The following KLF11 variants were observed in gnomAD, a reference collection of about 807,000 sequenced individuals.
The protein encoded by KLF11 is KLF transcription factor 11.
KLF11 carries 26 observed loss-of-function variants against 29.9 expected under a neutral mutation model. The observed-to-expected ratio is 0.87, with a 90% confidence interval of 0.64 to 1.21. The LOEUF is 1.21. Ranked by LOEUF, KLF11 falls within the 50% of genes most tolerant of loss-of-function variation. The pLI is 0.00. For missense variants in KLF11, 778 were observed against 665.7 expected, an observed-to-expected ratio of 1.17 and a Z score of -1.86; for synonymous variants, 318 against 257.4, an observed-to-expected ratio of 1.24 and a Z score of -2.25.
intron 3 of KLF11, among the ~76,000 whole-genome samples, 196 bp from the exon 4 acceptor site, chr2:10,052,031 A>T (rs1402198213): frequency 2.0e-5 from 3 of 152,180 alleles, no homozygotes; most frequent in African/African-American, 7.2e-5. Flanking sequence ...GGGTGCTAAC[A>T]TAGCTGCATC....
rs886054721 is a variant in KLF11 at position 10,043,686 on chromosome 2, G to A, written c.-31G>A. On this transcript the variant is annotated 5_prime_UTR_variant, in exon 1 of 4. Coordinates refer to ENST00000305883, the MANE Select transcript of KLF11 (RefSeq NM_003597.5). ...GCTGCGCCCGAGCTCACGCCCCGCGGCCGCTTTGTTGCTCCCGGCCGGCCT... is the reference window on the plus strand; with the variant it reads ...GCTGCGCCCGAGCTCACGCCCCGCGACCGCTTTGTTGCTCCCGGCCGGCCT... The A allele has an allele frequency of 3.8e-6, 5 of 1,303,076 alleles. No homozygotes were observed. The highest frequency in any genetic ancestry group is 9.7e-5 in the East Asian group (2 of 20,660). 80.7% of individuals were successfully genotyped at this position (1,303,076 alleles called of 1,614,324 possible). A position where few individuals can be genotyped will look rare whatever the true frequency, so the allele number is the denominator to read the frequency against.
At chr2:10,051,315 T>A (rs1661397607) in intron 3 of KLF11, among the ~76,000 whole-genome samples, 2 of 152,100 alleles carry the variant, frequency 1.3e-5, no homozygotes, top group Non-Finnish European at 2.9e-5. Flanking sequence ...TTCAAGCGAT[T>A]GTCCTGCCTC....
chr2:10,046,169 G>A lies in KLF11; in HGVS notation c.62G>A (p.Cys21Tyr). Reference sequence around the variant, plus strand: ...CTTTAGGTTGACATCATGGACATATGTGAGTCCATCCTGGAGAGGAAGCGG... The same window carrying A: ...CTTTAGGTTGACATCATGGACATATATGAGTCCATCCTGGAGAGGAAGCGG... ...DARAVDIMDI[C>Y]ESILERKRHD... Residue 21 changes from cysteine to tyrosine, a missense_variant, in exon 2 of 4, where the codon TGT becomes TAT. Physicochemically the swap from Cys to Tyr is radical, Grantham distance 194. Coordinates refer to ENST00000305883, the MANE Select transcript of KLF11 (RefSeq NM_003597.5). 1 of 1,613,998 alleles carries A rather than the reference G, an allele frequency of 6.2e-7. No individual in the cohort carries two copies. The highest frequency in any genetic ancestry group is 1.1e-5 in the South Asian group (1 of 91,068).
chr2:10,044,401 C>T (rs1249537056), intron 1 of KLF11: 4 of 985,472 alleles, frequency 4.1e-6, no homozygotes, highest in East Asian at 1.1e-4. Flanking sequence ...GAGCGCGGGC[C>T]TCGTGGTGTG....
At chr2:10,043,919 G>A (rs1661078155) in intron 1 of KLF11, 161 bp downstream of exon 1, 2 of 1,027,346 alleles carry the variant, frequency 1.9e-6, no homozygotes, top group Non-Finnish European at 2.3e-6. Context: ...GGAGCCGGGC[G>A]GGGCGGCGGC....
chr2:10,049,372 G>A (rs1370786361), intron 3 of KLF11, among the ~76,000 whole-genome samples: 3 of 152,238 alleles, frequency 2.0e-5, no homozygotes, highest in Non-Finnish European at 4.4e-5. Flanking sequence ...GTAGGTGAGG[G>A]CACCATTTCT....
chr2:10,043,659 C>A lies in KLF11; in HGVS notation c.-58C>A. ...GCCGCCCGCAGCCCACGTGCGGCCG[C>A]TGCTGCGCCCGAGCTCACGCCCCGC... On this transcript the variant is annotated 5_prime_UTR_variant, in exon 1 of 4. It adds an upstream start codon to the 5' untranslated region. Transcript: ENST00000305883. 1 of 1,217,046 alleles carries A rather than the reference C, an allele frequency of 8.2e-7. No homozygotes were observed. The highest frequency in any genetic ancestry group is 1.6e-5 in the African/African-American group (1 of 61,710). The allele number at this position is 1,217,046 out of a possible 1,614,324, so 75.4% of individuals were successfully genotyped here. A position where few individuals can be genotyped will look rare whatever the true frequency, so the allele number is the denominator to read the frequency against.
chr2:10,047,515 A>T, intron 2 of KLF11, 135 bp from the exon 3 acceptor site: 1 of 802,440 alleles, frequency 1.2e-6, no homozygotes, highest in Non-Finnish European at 2.1e-6. Context: ...GCAGCCTTGA[A>T]ACCCACTGGG....
At chr2:10,049,665 C>G (rs1661344375) in intron 3 of KLF11, among the ~76,000 whole-genome samples, 1 of 152,078 alleles carries the variant, frequency 6.6e-6, no homozygotes, top group African/African-American at 2.4e-5. Flanking sequence ...GAGGGCCTTC[C>G]TAGGATTAGT....
chr2:10,044,811 T>A (rs923941673), intron 1 of KLF11, among the ~76,000 whole-genome samples: 3 of 151,950 alleles, frequency 2.0e-5, no homozygotes, highest in African/African-American at 7.3e-5. Context: ...TTGGAAGAGA[T>A]CAGCTCATTC....
In KLF11 at chr2:10,054,408, TAA is replaced by T. The variant is rs1661495284; in HGVS notation, c.*1903_*1904del. 1 of 152,482 alleles carries T rather than the reference TAA, an allele frequency of 6.6e-6. No individual in the cohort carries two copies. Among genetic ancestry groups the T allele is most frequent in the Non-Finnish European group, 1.5e-5 (1 of 68,054 alleles). 9.4% of individuals were successfully genotyped at this position (152,482 alleles called of 1,614,324 possible). On this transcript the variant is annotated 3_prime_UTR_variant, in exon 4 of 4. Transcript: ENST00000305883. The stretch of plus-strand genomic sequence containing the variant: ...AACATTCTCCAAGCAGTGATATTTC[TAA>T]AGAGGAGATACATGTTGAAAACGGT...
rs768976475 is a variant in KLF11, at chr2:10,047,972, A to T, written c.635A>T (p.Glu212Val). Residue 212 changes from glutamate to valine, a missense_variant, in exon 3 of 4, where the codon GAA becomes GTA. Transcript: ENST00000305883. ...EGEEQLLGHF[E>V]TLQDTHLTDS... is the part of the protein sequence containing the mutation. Reference sequence around the variant, plus strand: ...GAAGAGCAGCTTCTGGGACACTTTGAAACTTTGCAGGACACACACCTCACG... The same window carrying T: ...GAAGAGCAGCTTCTGGGACACTTTGTAACTTTGCAGGACACACACCTCACG... The T allele has an allele frequency of 1.2e-6, 2 of 1,613,946 alleles. No individual in the cohort carries two copies. Among genetic ancestry groups the T allele is most frequent in the East Asian group, 4.5e-5 (2 of 44,892 alleles).
In KLF11 at chr2:10,046,373, C is replaced by T. The variant is rs766187124; in HGVS notation, c.266C>T (p.Ala89Val). The change falls in exon 2 of 4, where the codon GCA becomes GTA. Residue 89 changes from alanine (A) to valine (V), a missense_variant. Transcript: ENST00000305883. The stretch of plus-strand genomic sequence containing the variant: ...GTCACCACCACTGTGCATATGGATG[C>T]AGCCACACCTGAACTACCAAAAGAC... ...GDVTTTVHMD[A>V]ATPELPKDFH... 143 of 1,614,062 alleles carry T rather than the reference C, an allele frequency of 8.9e-5. No individual in the cohort carries two copies. The highest frequency in any genetic ancestry group is 1.2e-4 in the Admixed American group (7 of 59,996).
chr2:10,050,990 C>T (rs1392956602), intron 3 of KLF11, among the ~76,000 whole-genome samples: 2 of 139,308 alleles, frequency 1.4e-5, no homozygotes, highest in South Asian at 2.4e-4. Context: ...CAAGCTCTGC[C>T]TCCCGGGTTC....
Position 10,048,503 on chromosome 2 carries a change from C to T in KLF11, c.1166C>T (p.Ser389Phe). 1 of 1,613,800 alleles carries T rather than the reference C, an allele frequency of 6.2e-7. No homozygotes were observed. Among genetic ancestry groups the T allele is most frequent in the African/African-American group, 1.3e-5 (1 of 75,050 alleles). The change falls in exon 3 of 4, where the codon TCC becomes TTC. Residue 389 changes from serine to phenylalanine, a missense_variant. Transcript: ENST00000305883. Reference protein sequence around the residue: ...SQNCVPQVDFSRRRNYVCSFP... With the variant: ...SQNCVPQVDFFRRRNYVCSFP... ...AACTGTGTCCCTCAGGTAGACTTTT[C>T]CCGAAGGAGGAACTATGTATGCAGC...
intron 3 of KLF11, among the ~76,000 whole-genome samples, chr2:10,050,491 C>G (rs949218560): frequency 2.0e-5 from 3 of 151,490 alleles, no homozygotes; most frequent in African/African-American, 7.3e-5. Context: ...GCAGGCAGAT[C>G]ACGAGGTCAA....
Position 10,053,190 on chromosome 2 carries a change from G to C in KLF11, c.*683G>C, listed in dbSNP as rs1661459850. 2.5e-6 allele frequency: 1 copy of C among 399,318 alleles called. No individual in the cohort carries two copies. Among genetic ancestry groups the C allele is most frequent in the Non-Finnish European group, 4.4e-6 (1 of 226,708 alleles). The allele number at this position is 399,318 out of a possible 1,614,324, so 24.7% of individuals were successfully genotyped here. ...AAAGAACTAAAATTTTGGTTGACTG[G>C]AACTAGTGAGCTGTGTCCATGGTGT... On this transcript the variant is annotated 3_prime_UTR_variant, in exon 4 of 4. Transcript: ENST00000305883.
At chr2:10,050,512 C>G (rs1315733494) in intron 3 of KLF11, among the ~76,000 whole-genome samples, 5 of 151,792 alleles carry the variant, frequency 3.3e-5, no homozygotes, top group African/African-American at 1.2e-4. Context: ...GAAATTGAGA[C>G]CATCCTGGCC....
chr2:10,048,339 G>A lies in KLF11; in HGVS notation c.1002G>A (p.Val334=), dbSNP rs369681560. 4.4e-6 allele frequency: 7 copies of A among 1,605,444 alleles called. No homozygotes were observed. Among genetic ancestry groups the A allele is most frequent in the Non-Finnish European group, 6.0e-6 (7 of 1,174,408 alleles). The change falls in exon 3 of 4, where the codon GTG becomes GTA. Residue 334 remains valine (V), a synonymous_variant. Coordinates refer to ENST00000305883, the MANE Select transcript of KLF11 (RefSeq NM_003597.5). ...AACCTGTGTTCGTGGGACCTGCTGT[G>A]CCTCAGGGAGCTGTGATGTTGGTCC... ...APQPVFVGPA[V]PQGAVMLVLP...
Sources: allele counts gnomAD v4.1 joint callset (sites outside exome capture counted in the v4.1 genomes callset), GRCh38; gene constraint gnomAD v4.1.1; transcripts MANE v1.5; gene names NCBI Gene and HGNC (gene_info 2026-07-23, HGNC 2026-07-21).